GSE1: variants seen among roughly 807,000 people sequenced by gnomAD.
GSE1 encodes the protein genetic suppressor element 1.
A neutral mutation model predicts 112.6 loss-of-function variants in GSE1; 32 were observed. That is an observed-to-expected ratio of 0.28 (90% confidence interval 0.21 to 0.38). The LOEUF is 0.38. Among genes scored for constraint, GSE1 ranks in the 10% least tolerant of loss-of-function variants. The pLI is 1.00. For missense variants in GSE1, 2,348 were observed against 1,699.2 expected (o/e 1.38, Z -6.71); for synonymous variants, 1,115 against 735.6 (o/e 1.52, Z -8.35).
At chr16:85,282,383 T>G (rs183156558) in intron 1 of GSE1, among the ~76,000 whole-genome samples, 2 of 151,896 alleles carry the variant, frequency 1.3e-5, no homozygotes, top group Non-Finnish European at 2.9e-5. Flanking sequence ...TGCCTCTCAC[T>G]GGGGTAGACT....
chr16:85,640,682 G>T lies in GSE1; in HGVS notation c.226+6550G>T, dbSNP rs140867392. On this transcript the variant is annotated intron_variant, in intron 2 of 15. Transcript: ENST00000253458. ...CTTCCACCGTGGAGCCGGCCTGGGC[G>T]GGGGAGAGGCTCCCCCTTTCTGCCG... 2.0e-5 allele frequency among the ~76,000 whole-genome samples: 3 copies of T among 152,232 alleles called. No individual in the cohort carries two copies. The East Asian group carries it at 5.8e-4, about 29-fold the overall frequency.
intron 2 of GSE1, among the ~76,000 whole-genome samples, chr16:85,481,551 CTT>C (rs2050681829): frequency 6.6e-6 from 1 of 152,142 alleles, no homozygotes; most frequent in African/African-American, 2.4e-5. Context: ...GATTGAGATG[CTT>C]TTGTTTGGCT....
chr16:85,439,867 CAT>C (rs1331082918), intron 2 of GSE1, among the ~76,000 whole-genome samples: 1 of 152,140 alleles, frequency 6.6e-6, no homozygotes, highest in South Asian at 2.1e-4. Flanking sequence ...GGCATGCACA[CAT>C]ATGTGTACAC....
At chr16:85,229,274 C>T (rs138018859) in intron 1 of GSE1, among the ~76,000 whole-genome samples, 139 of 152,330 alleles carry the variant, frequency 9.1e-4, no homozygotes, top group African/African-American at 3.2e-3. Context: ...CTGCAGTCAG[C>T]GGCAGGCCGG....
At chr16:85,328,090 G>A (rs1213430224) in intron 1 of GSE1, among the ~76,000 whole-genome samples, 1 of 152,230 alleles carries the variant, frequency 6.6e-6, no homozygotes, top group African/African-American at 2.4e-5. Flanking sequence ...ACACAGCATT[G>A]CATGCAGTAG....
chr16:85,553,485 G>C (rs1355597338), upstream of GSE1, among the ~76,000 whole-genome samples: 1 of 151,770 alleles, frequency 6.6e-6, no homozygotes, highest in East Asian at 1.9e-4. Flanking sequence ...CAGGTCAGCA[G>C]CTCTGGCGCC....
chr16:85,504,532 G>A (rs756997750), intron 2 of GSE1, among the ~76,000 whole-genome samples: 2 of 152,224 alleles, frequency 1.3e-5, no homozygotes, highest in Non-Finnish European at 2.9e-5. Context: ...GTGTGAAGCC[G>A]ACGAGTCTTT....
At chr16:85,416,942 C>T (rs1457352822) in intron 2 of GSE1, among the ~76,000 whole-genome samples, 1 of 152,182 alleles carries the variant, frequency 6.6e-6, no homozygotes, top group East Asian at 1.9e-4. Flanking sequence ...GCAGCCTCAA[C>T]CTCCCAGGCT....
intron 1 of GSE1, among the ~76,000 whole-genome samples, chr16:85,604,441 C>G (rs1297395539): frequency 1.3e-5 from 2 of 151,958 alleles, no homozygotes; most frequent in African/African-American, 4.8e-5. Context: ...CACTTTTTGG[C>G]TATGATGAGC....
intron 2 of GSE1, among the ~76,000 whole-genome samples, chr16:85,512,253 C>G (rs1010706567): frequency 6.6e-6 from 1 of 152,198 alleles, no homozygotes; most frequent in Non-Finnish European, 1.5e-5. Flanking sequence ...AGGCAGTATT[C>G]ACCGCAGCTG....
intron 2 of GSE1, among the ~76,000 whole-genome samples, chr16:85,522,317 G>C: frequency 6.6e-6 from 1 of 152,068 alleles, no homozygotes; most frequent in East Asian, 1.9e-4. Context: ...ACTGGGTCAG[G>C]TATAAAAGAT....
intron 1 of GSE1, among the ~76,000 whole-genome samples, chr16:85,571,438 C>T (rs894657638): frequency 5.9e-5 from 9 of 152,372 alleles, no homozygotes; most frequent in East Asian, 3.9e-4. Context: ...GCTGCTCAGT[C>T]GGACAGTGCA....
intron 1 of GSE1, among the ~76,000 whole-genome samples, chr16:85,258,499 CT>C (rs72139488): frequency 0.032 from 4,925 of 152,306 alleles, 260 homozygotes; most frequent in African/African-American, 0.11. Flanking sequence ...GCTCAGCCCT[CT>C]TGCATCCTGC....
intron 2 of GSE1, among the ~76,000 whole-genome samples, chr16:85,393,974 C>T (rs908570549): frequency 5.3e-5 from 8 of 151,886 alleles, no homozygotes; most frequent in African/African-American, 1.9e-4. Context: ...CCTGGGGCCA[C>T]GGTGGAGCGC....
intron 1 of GSE1, among the ~76,000 whole-genome samples, chr16:85,186,332 C>T (rs7198780): frequency 0.44 from 65,963 of 151,562 alleles, 14,458 homozygotes; most frequent in South Asian, 0.54. Context: ...TGTCCGGGTG[C>T]GGTCGCTCAC....
intron 1 of GSE1, among the ~76,000 whole-genome samples, chr16:85,228,173 C>T (rs1168503560): frequency 6.6e-6 from 1 of 152,196 alleles, no homozygotes; most frequent in Non-Finnish European, 1.5e-5. Context: ...GAGTCCCGGC[C>T]CCCGCCGGAG....
At chr16:85,447,082 G>T (rs2049536844) in intron 2 of GSE1, among the ~76,000 whole-genome samples, 1 of 152,130 alleles carries the variant, frequency 6.6e-6, no homozygotes, top group Admixed American at 6.6e-5. Flanking sequence ...ACCCTGCTCG[G>T]GCCTCTCACT....
chr16:85,292,538 A>G (rs1025529328), intron 1 of GSE1, among the ~76,000 whole-genome samples: 1 of 152,190 alleles, frequency 6.6e-6, no homozygotes, highest in Non-Finnish European at 1.5e-5. Context: ...CATGTTGGCC[A>G]GGATGGTCTC....
intron 2 of GSE1, among the ~76,000 whole-genome samples, chr16:85,408,572 G>T (rs1597647760): frequency 1.0e-4 from 2 of 19,858 alleles, no homozygotes; most frequent in Admixed American, 4.7e-4. Flanking sequence ...AATCCTCACT[G>T]TTACACTCAG....
Sources: allele counts gnomAD v4.1 joint callset (sites outside exome capture counted in the v4.1 genomes callset), GRCh38; gene constraint gnomAD v4.1.1; transcripts MANE v1.5; gene names NCBI Gene and HGNC (gene_info 2026-07-23, HGNC 2026-07-21).